Variants in POU6F1 observed in about 807,000 individuals in gnomAD.
POU6F1 encodes POU class 6 homeobox 1.
Under a neutral mutation model 28.9 loss-of-function variants are expected in POU6F1, and 9 were observed. The ratio of observed to expected loss-of-function variants is 0.31; its 90% confidence interval spans 0.19 to 0.54. POU6F1 has a LOEUF of 0.54. Among genes scored for constraint, POU6F1 ranks in the 20% least tolerant of loss-of-function variants. The pLI is 0.94. For missense variants in POU6F1, 338 were observed against 426.1 expected, an observed-to-expected ratio of 0.79 and a Z score of 1.82; for synonymous variants, 173 against 171.1, an observed-to-expected ratio of 1.01 and a Z score of -0.09.
At chr12:51,215,372 T>C (rs2137245809) in intron 1 of POU6F1, among the ~76,000 whole-genome samples, 1 of 151,622 alleles carries the variant, frequency 6.6e-6, no homozygotes, top group Non-Finnish European at 1.5e-5. Context: ...TTGGCCAACA[T>C]GGTGAAACCC....
At chr12:51,214,704 G>A (rs1478418064) in intron 1 of POU6F1, among the ~76,000 whole-genome samples, 2 of 152,142 alleles carry the variant, frequency 1.3e-5, no homozygotes, top group Admixed American at 6.6e-5. Context: ...TTGGGAGGCT[G>A]AGGCGGGTGG....
chr12:51,206,714 T>C, intron 2 of POU6F1, 75 bp downstream of exon 2: 1 of 398,664 alleles, frequency 2.5e-6, no homozygotes, highest in Non-Finnish European at 4.4e-6. Context: ...TGAAGGGCCC[T>C]GTGGAGTCCT....
At chr12:51,191,496 G>A in intron 10 of POU6F1, 100 bp downstream of exon 10, 1 of 1,368,410 alleles carries the variant, frequency 7.3e-7, no homozygotes, top group Non-Finnish European at 9.9e-7. Flanking sequence ...TGGAGCAAGG[G>A]GGCATATGGA....
At chr12:51,192,502 G>T in intron 8 of POU6F1, 31 bp from the exon 9 acceptor site, 1 of 1,605,894 alleles carries the variant, frequency 6.2e-7, no homozygotes. Context: ...AGCCTTTGCT[G>T]CCCTCTGCCA....
At chr12:51,203,973 C>T (rs1263290014) in intron 3 of POU6F1, among the ~76,000 whole-genome samples, 200 bp downstream of exon 3, 1 of 152,172 alleles carries the variant, frequency 6.6e-6, no homozygotes, top group East Asian at 1.9e-4. Flanking sequence ...GGAAGTGACA[C>T]AGACTAGAAC....
At chr12:51,204,056 G>A (rs1263446638) in intron 3 of POU6F1, 117 bp downstream of exon 3, 2 of 397,758 alleles carry the variant, frequency 5.0e-6, no homozygotes, top group Non-Finnish European at 8.8e-6. Context: ...CAGTGGGCAG[G>A]CAGACAAGAC....
chr12:51,190,217 G>A lies in POU6F1; in HGVS notation c.*30C>T. On this transcript the variant is annotated 3_prime_UTR_variant, in exon 11 of 11. Coordinates refer to ENST00000333640, the MANE Select transcript of POU6F1 (RefSeq NM_001330422.2). This position sits in a 1 kb window ranked among gnomAD's most constrained non-coding sequence, Gnocchi z 4.5. ...CCGGATGCCACGGGAAATGGACAAA[G>A]TGCTAGAACACAGGGCCAGGGGCTG... is the stretch of plus-strand genomic sequence containing the variant. The A allele has an allele frequency of 6.2e-7, 1 of 1,608,246 alleles. No homozygotes were observed. The highest frequency in any genetic ancestry group is 8.5e-7 in the Non-Finnish European group (1 of 1,177,020).
chr12:51,214,129 G>A (rs896992106), intron 1 of POU6F1, among the ~76,000 whole-genome samples: 1 of 151,320 alleles, frequency 6.6e-6, no homozygotes, highest in African/African-American at 2.4e-5. Flanking sequence ...GAGACACAGT[G>A]AGACTCTATG....
chr12:51,202,371 C>G (rs999080987), intron 3 of POU6F1: 3 of 152,274 alleles, frequency 2.0e-5, no homozygotes, highest in South Asian at 4.1e-4. Flanking sequence ...GTTGCCCAGG[C>G]TGGAGTGTAA....
intron 6 of POU6F1, 22 bp from the exon 7 acceptor site, chr12:51,196,949 TG>T: frequency 6.8e-7 from 1 of 1,461,228 alleles, no homozygotes; most frequent in Middle Eastern, 1.8e-4. Context: ...GGAAGAGCCT[TG>T]CTCAGAAGCC....
intron 1 of POU6F1, among the ~76,000 whole-genome samples, chr12:51,208,110 CAA>C (rs11316062): frequency 1.0e-3 from 138 of 136,450 alleles, no homozygotes; most frequent in Middle Eastern, 4.0e-3. Context: ...CTGTCTGTAC[CAA>C]AAAAAAAAAA....
chr12:51,201,647 G>A (rs1943217830), intron 3 of POU6F1: 1 of 151,986 alleles, frequency 6.6e-6, no homozygotes, highest in South Asian at 2.1e-4. Flanking sequence ...TGAGAAAATG[G>A]GAAAGTGACA....
intron 2 of POU6F1, among the ~76,000 whole-genome samples, chr12:51,205,188 C>T (rs1592179978): frequency 6.6e-6 from 1 of 152,034 alleles, no homozygotes; most frequent in East Asian, 1.9e-4. Flanking sequence ...TACAGGTGCC[C>T]ACCACCACGC....
rs770617456 is a variant in POU6F1 at position 51,190,239 on chromosome 12, G to A, written c.*8C>T. The A allele has an allele frequency of 6.2e-7, 1 of 1,613,580 alleles. No homozygotes were observed. On this transcript the variant is annotated 3_prime_UTR_variant, in exon 11 of 11. Transcript: ENST00000333640. This position sits in a 1 kb window ranked among gnomAD's most constrained non-coding sequence, Gnocchi z 4.5. ...AAAGTGCTAGAACACAGGGCCAGGG[G>A]CTGAGCCCTAAGGGATCTGAAAGAC... is the stretch of plus-strand genomic sequence containing the variant.
chr12:51,190,042 C>T lies in POU6F1; in HGVS notation c.*205G>A, dbSNP rs764378971. 2.9e-5 allele frequency: 27 copies of T among 925,370 alleles called. No homozygotes were observed. Among genetic ancestry groups the T allele is most frequent in the African/African-American group, 6.7e-5 (4 of 59,758 alleles). 57.3% of individuals were successfully genotyped at this position (925,370 alleles called of 1,614,324 possible). On this transcript the variant is annotated 3_prime_UTR_variant, in exon 11 of 11. Transcript: ENST00000333640. This position sits in a 1 kb window ranked among gnomAD's most constrained non-coding sequence, Gnocchi z 4.5. ...TGACCAGCCCAGAGCCTGGAGCTCT[C>T]GTGTGGCCCCCTCTGGCCTCCCCAT...
chr12:51,191,893 A>T, intron 9 of POU6F1, 129 bp from the exon 10 acceptor site: 1 of 1,140,204 alleles, frequency 8.8e-7, no homozygotes, highest in Non-Finnish European at 1.3e-6. Context: ...ACGCACCTTC[A>T]AGACTCTTAT....
At chr12:51,192,674 G>A (rs2137099196) in intron 8 of POU6F1, among the ~76,000 whole-genome samples, 1 of 152,334 alleles carries the variant, frequency 6.6e-6, no homozygotes, top group African/African-American at 2.4e-5. Flanking sequence ...GGAAGCCAAG[G>A]CGGGAGGATC....
In POU6F1 at chr12:51,189,439, A is replaced by G. The variant is rs1942250248; in HGVS notation, c.*808T>C. 6.6e-6 allele frequency: 1 copy of G among 152,234 alleles called. No homozygotes were observed. Among genetic ancestry groups the G allele is most frequent in the Non-Finnish European group, 1.5e-5 (1 of 68,040 alleles). 9.4% of individuals were successfully genotyped at this position (152,234 alleles called of 1,614,324 possible). A position where few individuals can be genotyped will look rare whatever the true frequency, so the allele number is the denominator to read the frequency against. ...AGGGATGGCCATTGACAGAGATTAAATTAAAATATGAAAGAACAGCCTTAT... is the reference window on the plus strand; with the variant it reads ...AGGGATGGCCATTGACAGAGATTAAGTTAAAATATGAAAGAACAGCCTTAT... On this transcript the variant is annotated 3_prime_UTR_variant, in exon 11 of 11. Coordinates refer to ENST00000333640, the MANE Select transcript of POU6F1 (RefSeq NM_001330422.2).
chr12:51,200,943 T>G (rs1409203886), intron 3 of POU6F1, among the ~76,000 whole-genome samples: 1 of 152,216 alleles, frequency 6.6e-6, no homozygotes, highest in Non-Finnish European at 1.5e-5. Context: ...TGTGCCCGCC[T>G]CAGCCTCCCG....
Sources: gnomAD v4.1 joint callset for allele counts (sites outside exome capture counted in the v4.1 genomes callset) on GRCh38, gnomAD v4.1.1 for gene constraint, Gnocchi (gnomAD v3.1) non-coding constraint, MANE v1.5 for transcripts, NCBI Gene and HGNC (gene_info 2026-07-23, HGNC 2026-07-21) for gene names.